Variants in STYXL2 observed in about 807,000 individuals in gnomAD.
STYXL2 encodes serine/threonine/tyrosine-interacting-like protein 2.
Under a neutral mutation model 52.4 loss-of-function variants are expected in STYXL2, and 44 were observed. That is an observed-to-expected ratio of 0.84 (90% CI 0.66 to 1.08). The LOEUF (loss-of-function observed/expected upper bound fraction) is 1.08. Among genes scored for constraint, STYXL2 ranks in the 50% least tolerant of loss-of-function variants. The pLI, the probability that STYXL2 is intolerant of heterozygous loss-of-function variation, is 0.00. For missense variants in STYXL2, 1,604 were observed against 1,471.7 expected (o/e 1.09, Z -1.47); for synonymous variants, 604 against 586.9 (o/e 1.03, Z -0.42).
At chr1:167,101,850 G>A (rs79142721) in intron 2 of STYXL2, among the ~76,000 whole-genome samples, 2,634 of 150,808 alleles carry the variant, frequency 0.017, 75 homozygotes, top group African/African-American at 0.06. Context: ...GGACATGAAT[G>A]TTCATAGCAG....
rs770984565 is a variant in STYXL2 at position 167,128,561 on chromosome 1, C to T, written c.3430C>T (p.Arg1144Trp). Residue 1144 changes from arginine to tryptophan, a missense_variant, in exon 6 of 6, where the codon CGG becomes TGG. Transcript: ENST00000361200. ...AGCCATCATTGCTGCTTGGAGACGC[C>T]GGCAAGAAGAAACCAGGACCAAGCT... Reference protein sequence around the residue: ...DEAIIAAWRRRQEETRTKLQK... With the variant: ...DEAIIAAWRRWQEETRTKLQK... 49 of 1,613,390 alleles carry T rather than the reference C, an allele frequency of 3.0e-5. No individual in the cohort carries two copies. The highest frequency in any genetic ancestry group is 6.7e-5 in the Admixed American group (4 of 59,960).
Position 167,094,857 on chromosome 1 carries a change from C to A in STYXL2, c.8C>A (p.Thr3Asn), listed in dbSNP as rs943678706. The A allele has an allele frequency of 6.2e-7, 1 of 1,613,078 alleles. No individual in the cohort carries two copies. The highest frequency in any genetic ancestry group is 1.7e-5 in the Admixed American group (1 of 59,894). The change falls in exon 2 of 6, where the codon ACC becomes AAC. Residue 3 changes from threonine to asparagine, a missense_variant. Coordinates refer to ENST00000361200, the MANE Select transcript of STYXL2 (RefSeq NM_001080426.3). The part of the protein sequence containing the change: MA[T>N]RKDTEEEQVV... ...AGAGGTTGGCAGGTTGTCATGGCGA[C>A]CAGAAAGGACACAGAGGAGGAGCAG... is the stretch of plus-strand genomic sequence containing the variant.
chr1:167,127,683 T>A lies in STYXL2; in HGVS notation c.2552T>A (p.Met851Lys), dbSNP rs749349145. The change falls in exon 6 of 6, where the codon ATG (methionine) becomes AAG (lysine). Residue 851 changes from methionine (M) to lysine (K), a missense_variant. Transcript: ENST00000361200. ...KEMQMELREKMSEYKMEKLAS... is the reference protein window; with the variant it reads ...KEMQMELREKKSEYKMEKLAS... ...ATGCAGATGGAGCTTAGGGAGAAGA[T>A]GTCTGAGTACAAAATGGAAAAGCTG... is the stretch of plus-strand genomic sequence containing the variant. 1 of 1,614,074 alleles carries A rather than the reference T, an allele frequency of 6.2e-7. No individual in the cohort carries two copies. The highest frequency in any genetic ancestry group is 8.5e-7 in the Non-Finnish European group (1 of 1,180,026).
At chr1:167,094,657 G>A (rs1667242614) in intron 1 of STYXL2, among the ~76,000 whole-genome samples, 177 bp from the exon 2 acceptor site, 1 of 151,938 alleles carries the variant, frequency 6.6e-6, no homozygotes, top group Non-Finnish European at 1.5e-5. Context: ...TGCACTTCTT[G>A]GTGTCCCGGT....
chr1:167,121,767 C>G (rs1667862452), intron 5 of STYXL2, among the ~76,000 whole-genome samples: 1 of 152,232 alleles, frequency 6.6e-6, no homozygotes, highest in Non-Finnish European at 1.5e-5. Flanking sequence ...GACCGTAGGT[C>G]GGAGCGCTGA....
At position 167,097,475 on chromosome 1, in the gene STYXL2, G is replaced by A. The variant is rs1422259944; in HGVS notation, c.110+2516G>A. On this transcript the variant is annotated intron_variant, in intron 2 of 5. Transcript: ENST00000361200. ...TCTCCGTTTAATGATAGTTATCTTG[G>A]GAGGTTATCTGAAACTGTAAATTTG... Among the ~76,000 whole-genome samples the A allele has an allele frequency of 3.9e-5, 6 of 152,070 alleles. No homozygotes were observed. In the East Asian group the frequency reaches 9.6e-4, roughly 24 times the overall value.
chr1:167,109,270 G>A (rs1667568617), intron 2 of STYXL2, among the ~76,000 whole-genome samples: 1 of 152,234 alleles, frequency 6.6e-6, no homozygotes, highest in Non-Finnish European at 1.5e-5. Context: ...TTTCTCCTCA[G>A]GGAGGCTTAT....
intron 2 of STYXL2, among the ~76,000 whole-genome samples, chr1:167,107,191 T>C (rs1240486095): frequency 1.3e-5 from 2 of 152,108 alleles, no homozygotes; most frequent in Non-Finnish European, 2.9e-5. Context: ...ACTTCTTATA[T>C]GGCAGCTCAG....
chr1:167,097,384 C>CTAACCACA (rs1667309489), intron 2 of STYXL2, among the ~76,000 whole-genome samples: 1 of 152,210 alleles, frequency 6.6e-6, no homozygotes, highest in Admixed American at 6.5e-5. Context: ...CCATGTGTTA[C>CTAACCACA]TAACCACACT....
In STYXL2 at chr1:167,128,210, A is replaced by G. The variant is rs1293602344; in HGVS notation, c.3079A>G (p.Asn1027Asp). 1 of 1,614,084 alleles carries G rather than the reference A, an allele frequency of 6.2e-7. No individual in the cohort carries two copies. Among genetic ancestry groups the G allele is most frequent in the Non-Finnish European group, 8.5e-7 (1 of 1,180,042 alleles). The change falls in exon 6 of 6, where the codon AAC becomes GAC. Residue 1027 changes from asparagine to aspartate, a missense_variant. Physicochemically the swap from Asn to Asp is conservative, Grantham distance 23. Transcript: ENST00000361200. ...GCACAAGTTCTCCAGGTCCACGTAC[A>G]ACGAGACCTCAAGTTCCCGAGAGGA... The part of the protein sequence containing the change: ...EMHKFSRSTY[N>D]ETSSSREESP...
At position 167,129,052 on chromosome 1, in the gene STYXL2, C is replaced by G. The variant is rs1399338533; in HGVS notation, c.*444C>G. 6.5e-6 allele frequency: 1 copy of G among 153,126 alleles called. No individual in the cohort carries two copies. Among genetic ancestry groups the G allele is most frequent in the Non-Finnish European group, 1.4e-5 (1 of 70,144 alleles). The allele number at this position is 153,126 out of a possible 1,614,324, so 9.5% of individuals were successfully genotyped here. A position where few individuals can be genotyped will look rare whatever the true frequency, so the allele number is the denominator to read the frequency against. On this transcript the variant is annotated 3_prime_UTR_variant, in exon 6 of 6. Coordinates refer to ENST00000361200, the MANE Select transcript of STYXL2 (RefSeq NM_001080426.3). Reference sequence around the variant, plus strand: ...AAGTCTATCCTATGGCAAGTCTGACCTCTCCTGGCAATGCTCAGTTCTGAT... The same window carrying G: ...AAGTCTATCCTATGGCAAGTCTGACGTCTCCTGGCAATGCTCAGTTCTGAT...
Position 167,125,772 on chromosome 1 carries a change from G to C in STYXL2, c.656-15G>C. The stretch of plus-strand genomic sequence containing the variant: ...CACTGTCATTACATCATTTTCTCTT[G>C]TGTTTTCATTTCAGGGAAAGTCCTG... On this transcript the variant is annotated splice_polypyrimidine_tract_variant and intron_variant, in intron 5 of 5. Coordinates refer to ENST00000361200, the MANE Select transcript of STYXL2 (RefSeq NM_001080426.3). 5 of 1,566,200 alleles carry C rather than the reference G, an allele frequency of 3.2e-6. No individual in the cohort carries two copies. The highest frequency in any genetic ancestry group is 2.6e-6 in the Non-Finnish European group (3 of 1,158,326).
At position 167,128,070 on chromosome 1, in the gene STYXL2, T is replaced by A; in HGVS notation, c.2939T>A (p.Phe980Tyr). Residue 980 changes from phenylalanine (F) to tyrosine (Y), a missense_variant, in exon 6 of 6, where the codon TTT (phenylalanine) becomes TAT (tyrosine). Physicochemically the swap from Phe to Tyr is conservative, Grantham distance 22 (BLOSUM62 3). Transcript: ENST00000361200. The stretch of plus-strand genomic sequence containing the variant: ...GAGTCTAAATCCTCCAGTTACAAGT[T>A]TTCCAAATCCCAGTCAGAGGAACAG... ...ETESKSSSYK[F>Y]SKSQSEEQDT... 6.2e-7 allele frequency: 1 copy of A among 1,614,104 alleles called. No homozygotes were observed. Among genetic ancestry groups the A allele is most frequent in the Non-Finnish European group, 8.5e-7 (1 of 1,180,018 alleles).
Position 167,103,423 on chromosome 1 carries a change from G to A in STYXL2, c.110+8464G>A, listed in dbSNP as rs184646675. ...AAAACTTCACCCAGTGATCCAAACA[G>A]CCACTAGCAGCCAGCCAAAATTAGC... On this transcript the variant is annotated intron_variant, in intron 2 of 5. Coordinates refer to ENST00000361200, the MANE Select transcript of STYXL2 (RefSeq NM_001080426.3). Among the ~76,000 whole-genome samples the A allele has an allele frequency of 9.2e-5, 14 of 152,264 alleles. No homozygotes were observed. The East Asian group carries it at 2.7e-3, about 29-fold the overall frequency.
At chr1:167,104,561 C>T (rs1667472730) in intron 2 of STYXL2, among the ~76,000 whole-genome samples, 1 of 152,136 alleles carries the variant, frequency 6.6e-6, no homozygotes. Flanking sequence ...TGGGAAATGG[C>T]TCCTCCTGTC....
chr1:167,101,755 T>C (rs901067420), intron 2 of STYXL2, among the ~76,000 whole-genome samples: 6 of 149,178 alleles, frequency 4.0e-5, no homozygotes, highest in Non-Finnish European at 8.9e-5. Flanking sequence ...GAACCAAGAT[T>C]GCACCACTGC....
intron 2 of STYXL2, among the ~76,000 whole-genome samples, chr1:167,097,350 A>G (rs1006185788): frequency 6.6e-6 from 1 of 152,252 alleles, no homozygotes; most frequent in Non-Finnish European, 1.5e-5. Context: ...CAATAGGTTT[A>G]TGATCTATGT....
At chr1:167,124,529 G>A (rs1667922107) in intron 5 of STYXL2, among the ~76,000 whole-genome samples, 1 of 152,154 alleles carries the variant, frequency 6.6e-6, no homozygotes, top group South Asian at 2.1e-4. Context: ...AGGCATAGGA[G>A]GCATATTTGT....
chr1:167,109,968 T>C (rs1667583024), intron 2 of STYXL2, among the ~76,000 whole-genome samples: 1 of 152,088 alleles, frequency 6.6e-6, no homozygotes, highest in Non-Finnish European at 1.5e-5. Flanking sequence ...ACAGAGTCCA[T>C]TTCACTCCCC....
Sources: allele counts gnomAD v4.1 joint callset (sites outside exome capture counted in the v4.1 genomes callset), GRCh38; gene constraint gnomAD v4.1.1; transcripts MANE v1.5; gene names NCBI Gene and HGNC (gene_info 2026-07-23, HGNC 2026-07-21).